The following GAS7 variants were observed in gnomAD, a reference collection of about 807,000 sequenced individuals.
The protein encoded by GAS7 is growth arrest specific 7.
A neutral mutation model predicts 71.1 loss-of-function variants in GAS7; 28 were observed. The ratio of observed to expected loss-of-function variants is 0.39; its 90% confidence interval spans 0.29 to 0.54. The LOEUF (loss-of-function observed/expected upper bound fraction) is 0.54, where lower values mean the gene tolerates loss of function less well. Among genes scored for constraint, GAS7 ranks in the 20% least tolerant of loss-of-function variants. The pLI, the probability that GAS7 is intolerant of heterozygous loss-of-function variation, is 0.62. For missense variants in GAS7, 436 were observed against 627.8 expected (o/e 0.69, Z 3.27); for synonymous variants, 258 against 245.8 (o/e 1.05, Z -0.46).
intron 2 of GAS7, among the ~76,000 whole-genome samples, chr17:9,995,744 G>A (rs548503858): frequency 5.9e-5 from 9 of 152,312 alleles, no homozygotes; most frequent in South Asian, 2.1e-4. Context: ...CCAAATGCAC[G>A]TGTCTTTTGA....
intron 2 of GAS7, among the ~76,000 whole-genome samples, chr17:9,982,958 CAG>C (rs1226441230): frequency 6.6e-6 from 1 of 152,134 alleles, no homozygotes; most frequent in Admixed American, 6.5e-5. Context: ...CTGCCATGAG[CAG>C]AGACTTCTTA....
intron 9 of GAS7, among the ~76,000 whole-genome samples, chr17:9,929,718 C>T (rs1193390811): frequency 6.6e-6 from 1 of 152,106 alleles, no homozygotes; most frequent in Non-Finnish European, 1.5e-5. Context: ...ACCTCATGAT[C>T]CGCCCGCCTC....
intron 2 of GAS7, among the ~76,000 whole-genome samples, chr17:10,013,242 T>C (rs2071850103): frequency 1.3e-5 from 2 of 152,226 alleles, no homozygotes; most frequent in South Asian, 4.1e-4. Context: ...ACCTTGATCC[T>C]GGACTTCCCA....
In GAS7 at chr17:9,913,227, G is replaced by A. The variant is rs978708249; in HGVS notation, c.*4001C>T. 4.3e-6 allele frequency: 1 copy of A among 232,444 alleles called. No homozygotes were observed. The highest frequency in any genetic ancestry group is 8.5e-6 in the Non-Finnish European group (1 of 117,532). 14.4% of individuals were successfully genotyped at this position (232,444 alleles called of 1,614,324 possible). On this transcript the variant is annotated 3_prime_UTR_variant, in exon 14 of 14. Coordinates refer to ENST00000432992, the MANE Select transcript of GAS7 (RefSeq NM_201433.2). The stretch of plus-strand genomic sequence containing the variant: ...GGTGGCGATGGGCCTTGTAGGGATG[G>A]CAAGGATTATGGGGATAAGACGATG...
At chr17:9,960,409 C>T (rs1364115350) in intron 4 of GAS7, among the ~76,000 whole-genome samples, 3 of 152,082 alleles carry the variant, frequency 2.0e-5, no homozygotes, top group Non-Finnish European at 2.9e-5. Context: ...AGGCTGGTCT[C>T]GAACTTTTGA....
chr17:10,084,378 G>A (rs758268009), intron 1 of GAS7, among the ~76,000 whole-genome samples: 18 of 152,210 alleles, frequency 1.2e-4, no homozygotes, highest in South Asian at 2.1e-4. Flanking sequence ...TGGTCCTGGC[G>A]TCTCTTTTTC....
At chr17:9,997,835 A>T (rs1459492853) in intron 2 of GAS7, among the ~76,000 whole-genome samples, 1 of 152,238 alleles carries the variant, frequency 6.6e-6, no homozygotes, top group Non-Finnish European at 1.5e-5. Flanking sequence ...CTTATTACAC[A>T]GGCTATGACA....
intron 1 of GAS7, among the ~76,000 whole-genome samples, chr17:10,044,202 T>C (rs2072913678): frequency 6.6e-6 from 1 of 152,212 alleles, no homozygotes; most frequent in African/African-American, 2.4e-5. Context: ...GCTTATGGCA[T>C]TGCACTAAAC....
chr17:10,039,586 G>A (rs1164758530), intron 1 of GAS7, among the ~76,000 whole-genome samples: 1 of 152,164 alleles, frequency 6.6e-6, no homozygotes, highest in East Asian at 1.9e-4. Context: ...AGGAGGCTGA[G>A]GCAGGAGAAT....
intron 8 of GAS7, among the ~76,000 whole-genome samples, chr17:9,939,166 A>C (rs1298084133): frequency 6.6e-6 from 1 of 152,202 alleles, no homozygotes; most frequent in African/African-American, 2.4e-5. Context: ...TAGGAATGGA[A>C]TTGCTGGGTC....
At chr17:10,085,113 CAGG>C (rs1355822812) in intron 1 of GAS7, among the ~76,000 whole-genome samples, 1 of 152,210 alleles carries the variant, frequency 6.6e-6, no homozygotes, top group African/African-American at 2.4e-5. Flanking sequence ...TATCTGTTTT[CAGG>C]AGGTTTCCCC....
At chr17:10,132,761 TAA>T (rs57494644) in intron 1 of GAS7, among the ~76,000 whole-genome samples, 8 of 150,558 alleles carry the variant, frequency 5.3e-5, no homozygotes, top group Admixed American at 1.3e-4. Context: ...CTGTCTCAAC[TAA>T]AAAAAAAAAT....
chr17:10,140,943 G>A (rs2074074947), intron 1 of GAS7, among the ~76,000 whole-genome samples: 1 of 152,240 alleles, frequency 6.6e-6, no homozygotes, highest in African/African-American at 2.4e-5. Flanking sequence ...GCTCCCCCAA[G>A]CAGGGAGTGG....
intron 3 of GAS7, among the ~76,000 whole-genome samples, chr17:9,980,173 C>T (rs774400594): frequency 2.6e-5 from 4 of 152,216 alleles, no homozygotes; most frequent in Non-Finnish European, 4.4e-5. Context: ...AGCTGATTTT[C>T]TAGAGGTAAT....
At chr17:10,053,809 T>C (rs2073097145) in intron 1 of GAS7, among the ~76,000 whole-genome samples, 1 of 152,088 alleles carries the variant, frequency 6.6e-6, no homozygotes, top group Admixed American at 6.5e-5. Flanking sequence ...CCCCCATGGG[T>C]CTTAAAAGGA....
chr17:10,107,423 G>GGGAA (rs2073767410), intron 1 of GAS7, among the ~76,000 whole-genome samples: 1 of 152,268 alleles, frequency 6.6e-6, no homozygotes, highest in Non-Finnish European at 1.5e-5. Context: ...GTGGCAGGCT[G>GGGAA]GGAAGGAGAA....
At chr17:9,980,804 G>A (rs191594877) in intron 3 of GAS7, among the ~76,000 whole-genome samples, 54 of 152,332 alleles carry the variant, frequency 3.5e-4, no homozygotes, top group African/African-American at 1.3e-3. Flanking sequence ...ATGCGGCTGA[G>A]ATCTAAAGTG....
intron 10 of GAS7, 123 bp from the exon 11 acceptor site, chr17:9,925,722 T>G (rs572980208): frequency 1.9e-6 from 2 of 1,056,270 alleles, no homozygotes; most frequent in South Asian, 1.5e-5. Flanking sequence ...GATGCCACAG[T>G]GGTCCAGAGA....
intron 1 of GAS7, among the ~76,000 whole-genome samples, chr17:10,071,912 G>T (rs2073343160): frequency 6.7e-6 from 1 of 150,098 alleles, no homozygotes; most frequent in African/African-American, 2.5e-5. Context: ...ACTCCAGCCT[G>T]GGCAACAGAG....
Sources: gnomAD v4.1 joint callset for allele counts (sites outside exome capture counted in the v4.1 genomes callset) on GRCh38, gnomAD v4.1.1 for gene constraint, MANE v1.5 for transcripts, NCBI Gene and HGNC (gene_info 2026-07-23, HGNC 2026-07-21) for gene names.